The following STAU2 variants were observed in gnomAD, a reference collection of about 807,000 sequenced individuals.
STAU2 encodes the protein double-stranded RNA-binding protein Staufen homolog 2.
STAU2 carries 20 observed loss-of-function variants against 65.9 expected under a neutral mutation model. The observed-to-expected ratio is 0.30, with a 90% CI of 0.21 to 0.44. The LOEUF (loss-of-function observed/expected upper bound fraction) is 0.44, where lower values mean the gene tolerates loss of function less well. Among genes scored for constraint, STAU2 ranks in the 20% least tolerant of loss-of-function variants. The probability of loss-of-function intolerance (pLI) is 1.00; values close to 1 mark genes in which losing one functional copy is unlikely to be tolerated. For missense variants in STAU2, 558 were observed against 683.9 expected (o/e 0.82, Z 2.05); for synonymous variants, 232 against 233.9 (o/e 0.99, Z 0.07).
At chr8:73,705,255 A>T (rs1820431973) in intron 4 of STAU2, among the ~76,000 whole-genome samples, 1 of 152,206 alleles carries the variant, frequency 6.6e-6, no homozygotes. Flanking sequence ...ACTTTAAATT[A>T]GTTGTTCAAG....
intron 13 of STAU2, among the ~76,000 whole-genome samples, chr8:73,518,021 T>C (rs1486193203): frequency 6.6e-6 from 1 of 152,198 alleles, no homozygotes; most frequent in African/African-American, 2.4e-5. Context: ...ACTATGGAAA[T>C]AGCAGAATAT....
chr8:73,561,680 C>T (rs532998182), intron 12 of STAU2: 20 of 369,586 alleles, frequency 5.4e-5, no homozygotes, highest in Non-Finnish European at 8.5e-5. Context: ...ACTCCTCTGC[C>T]AGGATTCCTA....
intron 3 of STAU2, among the ~76,000 whole-genome samples, chr8:73,736,088 T>G (rs1024449187): frequency 6.6e-6 from 1 of 152,210 alleles, no homozygotes; most frequent in Non-Finnish European, 1.5e-5. Context: ...TTCTTTAAAT[T>G]ATTAGTAATG....
chr8:73,556,038 T>G (rs1312772978), intron 12 of STAU2, among the ~76,000 whole-genome samples: 1 of 152,372 alleles, frequency 6.6e-6, no homozygotes, highest in South Asian at 2.1e-4. Context: ...TTTAAAGATA[T>G]GTTTTTAATC....
chr8:73,553,780 T>G (rs1035579153), intron 12 of STAU2, among the ~76,000 whole-genome samples: 1 of 151,896 alleles, frequency 6.6e-6, no homozygotes, highest in Non-Finnish European at 1.5e-5. Context: ...CCATGCTTTC[T>G]GCTTGCTACT....
intron 3 of STAU2, among the ~76,000 whole-genome samples, chr8:73,723,530 T>C (rs907978604): frequency 2.0e-5 from 3 of 152,276 alleles, no homozygotes; most frequent in Non-Finnish European, 4.4e-5. Context: ...ATTTGGCTGC[T>C]TGAGTGTGTC....
intron 13 of STAU2, among the ~76,000 whole-genome samples, chr8:73,468,739 T>G (rs529074722): frequency 2.4e-3 from 369 of 152,012 alleles, no homozygotes; most frequent in African/African-American, 8.2e-3. Context: ...GAAATGCAAA[T>G]CAAAACCACA....
chr8:73,519,830 T>G (rs11783268), intron 13 of STAU2, among the ~76,000 whole-genome samples: 67,276 of 152,072 alleles, frequency 0.44, 15,074 homozygotes, highest in East Asian at 0.55. Context: ...GCCCTGTATC[T>G]CAAGGAGATC....
At chr8:73,480,780 G>T (rs1820564701) in intron 13 of STAU2, among the ~76,000 whole-genome samples, 1 of 152,108 alleles carries the variant, frequency 6.6e-6, no homozygotes, top group Non-Finnish European at 1.5e-5. Context: ...GGATGGTAAA[G>T]GGAGGCTGAG....
intron 6 of STAU2, among the ~76,000 whole-genome samples, chr8:73,629,457 T>A (rs907316564): frequency 6.6e-6 from 1 of 152,234 alleles, no homozygotes; most frequent in Non-Finnish European, 1.5e-5. Context: ...TAAAAGATAA[T>A]CATTTTGTTT....
intron 13 of STAU2, among the ~76,000 whole-genome samples, chr8:73,434,577 C>G (rs1016423492): frequency 1.3e-5 from 2 of 151,902 alleles, no homozygotes; most frequent in Admixed American, 1.3e-4. Flanking sequence ...CATTTTATCT[C>G]TCTGAGCCTC....
At chr8:73,567,703 C>G (rs1381396863) in intron 12 of STAU2, among the ~76,000 whole-genome samples, 1 of 151,924 alleles carries the variant, frequency 6.6e-6, no homozygotes, top group Non-Finnish European at 1.5e-5. Context: ...ATGTGCCACA[C>G]CATGCCTGGC....
In STAU2 at chr8:73,552,199, G is replaced by A. The variant is rs1264585200; in HGVS notation, c.1343C>T (p.Ser448Leu). 9.3e-6 allele frequency: 15 copies of A among 1,613,924 alleles called. No individual in the cohort carries two copies. The highest frequency in any genetic ancestry group is 1.3e-5 in the Non-Finnish European group (15 of 1,179,922). ...YLSPKDMNQP[S>L]SSFFSISPTS... ...GGGAGATATACTGAAGAAAGAGCTT[G>A]AAGGTTGGTTCATATCTTTGGGTGA... is the stretch of plus-strand genomic sequence containing the variant. Residue 448 changes from serine (S) to leucine (L), a missense_variant, in exon 13 of 15, where the codon TCA (serine) becomes TTA (leucine). Around this residue, in one of 3 missense-constraint regions of STAU2, gnomAD observed 247 missense variants for 270.1 expected, o/e 0.91. Transcript: ENST00000524300.
At chr8:73,533,430 T>C (rs193271068) in intron 13 of STAU2, among the ~76,000 whole-genome samples, 9 of 152,346 alleles carry the variant, frequency 5.9e-5, no homozygotes, top group Middle Eastern at 3.4e-3. Context: ...CCAGATGAGA[T>C]ACTATACTTG....
At chr8:73,713,744 A>G (rs1206367127) in intron 3 of STAU2, among the ~76,000 whole-genome samples, 2 of 152,174 alleles carry the variant, frequency 1.3e-5, no homozygotes, top group Non-Finnish European at 1.5e-5. Flanking sequence ...CTAGAACACC[A>G]AAAGTTTCCT....
intron 13 of STAU2, among the ~76,000 whole-genome samples, chr8:73,506,839 G>A (rs1417727934): frequency 6.6e-6 from 1 of 152,168 alleles, no homozygotes; most frequent in East Asian, 1.9e-4. Flanking sequence ...CAAAGTTTGT[G>A]TACCATTCTA....
intron 12 of STAU2, among the ~76,000 whole-genome samples, chr8:73,582,506 G>A (rs1367592634): frequency 6.6e-6 from 1 of 150,894 alleles, no homozygotes; most frequent in Non-Finnish European, 1.5e-5. Flanking sequence ...CAATAAAAAT[G>A]GCAACTTTAA....
At chr8:73,421,746 A>T (rs1203182448) in intron 14 of STAU2, among the ~76,000 whole-genome samples, 1 of 152,180 alleles carries the variant, frequency 6.6e-6, no homozygotes, top group African/African-American at 2.4e-5. Flanking sequence ...AATATTAACA[A>T]CCAAATGCTG....
At chr8:73,734,494 T>C (rs1449414421) in intron 3 of STAU2, among the ~76,000 whole-genome samples, 1 of 152,106 alleles carries the variant, frequency 6.6e-6, no homozygotes, top group Non-Finnish European at 1.5e-5. Context: ...AAGAATCTGT[T>C]ATGAATAAAA....
Sources: allele counts gnomAD v4.1 joint callset (sites outside exome capture counted in the v4.1 genomes callset), GRCh38; gene constraint gnomAD v4.1.1; regional missense constraint gnomAD v4.1.1; transcripts MANE v1.5; gene names NCBI Gene and HGNC (gene_info 2026-07-23, HGNC 2026-07-21).